SCN2A: variants seen among roughly 807,000 people sequenced by gnomAD.
SCN2A encodes sodium channel protein type 2 subunit alpha.
Under a neutral mutation model 188.7 loss-of-function variants are expected in SCN2A, and 20 were observed. That is an observed-to-expected ratio of 0.11 (90% confidence interval 0.07 to 0.15). SCN2A has a LOEUF of 0.15. SCN2A is among the 10% of genes least tolerant of loss of function. The pLI, the probability that SCN2A is intolerant of heterozygous loss-of-function variation, is 1.00. For missense variants in SCN2A, 1,278 were observed against 2,445.0 expected (o/e 0.52, Z 10.07); for synonymous variants, 804 against 833.1 (o/e 0.97, Z 0.60).
chr2:165,258,342 A>G (rs1694421344), intron 1 of SCN2A, among the ~76,000 whole-genome samples: 1 of 152,050 alleles, frequency 6.6e-6, no homozygotes, highest in African/African-American at 2.4e-5. Context: ...TATTTTTTGT[A>G]TGGTATAAGG....
chr2:165,387,525 A>G (rs970850975), intron 26 of SCN2A, among the ~76,000 whole-genome samples: 2 of 152,192 alleles, frequency 1.3e-5, no homozygotes, highest in African/African-American at 4.8e-5. Context: ...GGTTTGCAAT[A>G]TCTCTTTTTG....
At chr2:165,284,420 C>T (rs1360135535) in intron 1 of SCN2A, among the ~76,000 whole-genome samples, 4 of 152,062 alleles carry the variant, frequency 2.6e-5, no homozygotes, top group Non-Finnish European at 5.9e-5. Context: ...CTGCCCACCT[C>T]GGCCTCCCAA....
intron 19 of SCN2A, among the ~76,000 whole-genome samples, chr2:165,368,563 C>T (rs1397989736): frequency 6.6e-6 from 1 of 152,128 alleles, no homozygotes; most frequent in East Asian, 1.9e-4. Flanking sequence ...CACACTGATT[C>T]GCTATTGCCA....
At chr2:165,262,232 A>G (rs557494051) in intron 1 of SCN2A, among the ~76,000 whole-genome samples, 2 of 152,204 alleles carry the variant, frequency 1.3e-5, no homozygotes, top group African/African-American at 2.4e-5. Context: ...TTTTAAAAAA[A>G]TTTCAATAGG....
At chr2:165,361,862 TA>T (rs1289419353) in intron 17 of SCN2A, among the ~76,000 whole-genome samples, 1 of 152,054 alleles carries the variant, frequency 6.6e-6, no homozygotes, top group Non-Finnish European at 1.5e-5. Flanking sequence ...TAGGTCCGAA[TA>T]ATTGGCAGAC....
chr2:165,299,913 A>G (rs1012828342), intron 3 of SCN2A, among the ~76,000 whole-genome samples: 9 of 152,336 alleles, frequency 5.9e-5, no homozygotes, highest in African/African-American at 2.2e-4. Flanking sequence ...CTCTATTTCA[A>G]ACAAAAACCT....
intron 17 of SCN2A, among the ~76,000 whole-genome samples, chr2:165,362,667 T>G (rs1700521475): frequency 6.6e-6 from 1 of 152,078 alleles, no homozygotes. Flanking sequence ...TACATGTGTA[T>G]TATTCATATT....
intron 1 of SCN2A, among the ~76,000 whole-genome samples, chr2:165,283,219 C>G (rs1277963717): frequency 6.6e-6 from 1 of 152,084 alleles, no homozygotes; most frequent in Non-Finnish European, 1.5e-5. Context: ...GTATAAATTT[C>G]TAAGGAAGAT....
chr2:165,363,905 T>A (rs1190076814), intron 17 of SCN2A, among the ~76,000 whole-genome samples: 1 of 152,166 alleles, frequency 6.6e-6, no homozygotes, highest in Non-Finnish European at 1.5e-5. Context: ...GCATTTTTAA[T>A]CTCATGTATA....
chr2:165,377,693 A>G (rs377386401), intron 23 of SCN2A, 43 bp downstream of exon 23: 4 of 1,462,190 alleles, frequency 2.7e-6, no homozygotes, highest in African/African-American at 2.8e-5. Context: ...GATTAAATGT[A>G]TATTTCTACA....
intron 1 of SCN2A, among the ~76,000 whole-genome samples, chr2:165,261,912 G>A (rs746951312): frequency 2.6e-4 from 39 of 152,160 alleles, no homozygotes; most frequent in Non-Finnish European, 4.9e-4. Context: ...TTGGTTATCA[G>A]TTGAAATTAT....
chr2:165,319,197 C>T (rs948184812), intron 11 of SCN2A, among the ~76,000 whole-genome samples: 2 of 151,974 alleles, frequency 1.3e-5, no homozygotes, highest in Non-Finnish European at 2.9e-5. Flanking sequence ...ATTAGCCAGG[C>T]GTGGTGGCAG....
At chr2:165,296,355 T>G in intron 2 of SCN2A, 2 of 484,404 alleles carry the variant, frequency 4.1e-6, no homozygotes, top group Non-Finnish European at 7.5e-6. Flanking sequence ...CTATTCACCT[T>G]CTTGAATACA....
intron 1 of SCN2A, among the ~76,000 whole-genome samples, chr2:165,280,353 G>A (rs12620054): frequency 0.12 from 18,518 of 152,044 alleles, 1,479 homozygotes; most frequent in East Asian, 0.35. Context: ...AAAAACTCTT[G>A]TTCTCATTAG....
chr2:165,341,445 A>G (rs1256826960), intron 14 of SCN2A, among the ~76,000 whole-genome samples: 5 of 152,218 alleles, frequency 3.3e-5, no homozygotes, highest in Non-Finnish European at 1.5e-5. Context: ...GTTACTTTCT[A>G]TAAAGAAACG....
At chr2:165,270,677 G>A (rs1226438761) in intron 1 of SCN2A, 1 of 151,946 alleles carries the variant, frequency 6.6e-6, no homozygotes, top group Non-Finnish European at 1.5e-5. Flanking sequence ...TCTCCTATAG[G>A]TCAGAGTCAG....
rs770003814 is a variant in SCN2A, at chr2:165,312,050, A to G, written c.996A>G (p.Gln332=). ...DKSHFYFLEG[Q]NDALLCGNSS... ...GTCACTTTTATTTTTTAGAGGGGCA[A>G]AATGATGCTCTGCTTTGTGGCAACA... Residue 332 remains glutamine (Q), a synonymous_variant, in exon 8 of 27, where the codon CAA becomes CAG. Transcript: ENST00000375437. 6 of 1,612,482 alleles carry G rather than the reference A, an allele frequency of 3.7e-6. No individual in the cohort carries two copies. In the South Asian group the frequency reaches 5.5e-5, roughly 15 times the overall value.
At chr2:165,319,394 C>T (rs1054610934) in intron 11 of SCN2A, among the ~76,000 whole-genome samples, 1 of 151,938 alleles carries the variant, frequency 6.6e-6, no homozygotes, top group Non-Finnish European at 1.5e-5. Context: ...TGAATAGAAT[C>T]ACATAAGATA....
chr2:165,324,819 T>C (rs956042311), intron 12 of SCN2A, among the ~76,000 whole-genome samples: 4 of 152,180 alleles, frequency 2.6e-5, no homozygotes, highest in Non-Finnish European at 2.9e-5. Flanking sequence ...CAGTGAAATA[T>C]TGCCTCCCAC....
Sources: allele counts gnomAD v4.1 joint callset (sites outside exome capture counted in the v4.1 genomes callset), GRCh38; gene constraint gnomAD v4.1.1; transcripts MANE v1.5; gene names NCBI Gene and HGNC (gene_info 2026-07-23, HGNC 2026-07-21).